BASP1: variants seen among roughly 807,000 people sequenced by gnomAD.
BASP1 encodes the protein brain abundant membrane attached signal protein 1.
Under a neutral mutation model 2.2 loss-of-function variants are expected in BASP1, and 1 was observed. The observed-to-expected ratio is 0.46, with a 90% confidence interval of 0.16 to 2.17. BASP1 has a LOEUF of 2.17. Among genes scored for constraint, BASP1 ranks in the 30% most tolerant of loss-of-function variants. The pLI is 0.27. For missense variants in BASP1, 352 were observed against 327.2 expected (o/e 1.08, Z -0.58); for synonymous variants, 187 against 154.2 (o/e 1.21, Z -1.58).
intron 1 of BASP1, among the ~76,000 whole-genome samples, chr5:17,241,098 CT>C (rs1168059951): frequency 1.4e-3 from 199 of 140,720 alleles, no homozygotes; most frequent in Middle Eastern, 3.7e-3. Context: ...TGACATTTTC[CT>C]TTTTTTTTTT....
intron 1 of BASP1, among the ~76,000 whole-genome samples, chr5:17,246,967 G>C (rs566806234): frequency 1.1e-4 from 16 of 152,116 alleles, no homozygotes; most frequent in Non-Finnish European, 2.4e-4. Context: ...CCAGCGGATT[G>C]CCTGAGTACA....
In BASP1 at chr5:17,238,535, A is replaced by G. The variant is rs567951801; in HGVS notation, c.-10+20725A>G. On this transcript the variant is annotated intron_variant, in intron 1 of 1. Transcript: ENST00000322611. ...TTGATGCAAGTGCTCTGTGGAAACC[A>G]TGGAAGCTGGGATAAAAATGCTCGC... Among the ~76,000 whole-genome samples the G allele has an allele frequency of 5.3e-5, 8 of 152,312 alleles. No individual in the cohort carries two copies. In the East Asian group the frequency reaches 1.5e-3, roughly 29 times the overall value.
intron 1 of BASP1, among the ~76,000 whole-genome samples, chr5:17,235,427 AT>A (rs529030792): frequency 1.3e-5 from 2 of 151,248 alleles, no homozygotes; most frequent in African/African-American, 4.9e-5. Flanking sequence ...GGCCGGGCTA[AT>A]TTTTTTTGTA....
intron 1 of BASP1, among the ~76,000 whole-genome samples, chr5:17,267,410 C>T (rs1286958707): frequency 2.0e-5 from 3 of 152,092 alleles, no homozygotes; most frequent in African/African-American, 7.2e-5. Flanking sequence ...AGAGTTTACA[C>T]ATTATTCTGA....
intron 1 of BASP1, among the ~76,000 whole-genome samples, chr5:17,253,057 CGA>C (rs1740132791): frequency 6.6e-6 from 1 of 152,066 alleles, no homozygotes; most frequent in South Asian, 2.1e-4. Context: ...GAAGAAAAGA[CGA>C]ATTCTAGAAT....
chr5:17,217,077 AGAGAGAGAGAGAGAGAGAGT>A (rs1739261030), upstream of BASP1: 2 of 139,974 alleles, frequency 1.4e-5, no homozygotes, highest in African/African-American at 5.8e-5. Flanking sequence ...AGAGTGAGAG[AGAGAGAGAGAGAGAGAGAGT>A]GAGTGAGAGA....
chr5:17,234,426 G>A (rs944023187), intron 1 of BASP1, among the ~76,000 whole-genome samples: 2 of 152,152 alleles, frequency 1.3e-5, no homozygotes, highest in Middle Eastern at 3.2e-3. Context: ...AATTGCTTTT[G>A]TGATGAATTT....
At position 17,248,408 on chromosome 5, in the gene BASP1, T is replaced by TC. The variant is rs774829656; in HGVS notation, c.-9-26796dup. Among the ~76,000 whole-genome samples the TC allele has an allele frequency of 1.3e-4, 20 of 152,318 alleles. No homozygotes were observed. The South Asian group carries it at 1.9e-3, about 14-fold the overall frequency. ...GATAAGACTTTTATAATTAAAAATT[T>TC]CCCCTGAATGTCAATACATATATGG... On this transcript the variant is annotated intron_variant, in intron 1 of 1. Transcript: ENST00000322611.
At chr5:17,272,040 G>C (rs1740539526) in intron 1 of BASP1, among the ~76,000 whole-genome samples, 1 of 145,866 alleles carries the variant, frequency 6.9e-6, no homozygotes, top group Non-Finnish European at 1.5e-5. Flanking sequence ...CTGCACTCCA[G>C]CCTAGGTGAC....
At chr5:17,217,255 T>G (rs865961582), upstream of BASP1, among the ~76,000 whole-genome samples, 81 of 16,106 alleles carry the variant, frequency 5.0e-3, no homozygotes, top group Middle Eastern at 0.024. Flanking sequence ...AGTTGGGAGG[T>G]GGGGGGAAGG....
chr5:17,247,550 T>C (rs1446962386), intron 1 of BASP1, among the ~76,000 whole-genome samples: 1 of 152,252 alleles, frequency 6.6e-6, no homozygotes, highest in Non-Finnish European at 1.5e-5. Flanking sequence ...TTCAGGCTTT[T>C]AGACTGATCT....
intron 1 of BASP1, among the ~76,000 whole-genome samples, chr5:17,267,621 C>T (rs943017128): frequency 2.0e-5 from 3 of 151,442 alleles, no homozygotes; most frequent in African/African-American, 7.3e-5. Flanking sequence ...CGGGTTCAAG[C>T]GATTTTCCTG....
Position 17,249,945 on chromosome 5 carries a change from TTTC to T in BASP1, c.-9-25257_-9-25255del, listed in dbSNP as rs200778334. On this transcript the variant is annotated intron_variant, in intron 1 of 1. Transcript: ENST00000322611. ...GGTACACCATTGATTTTAATTTTTT[TTTC>T]TTCTTGTTTTTAAGACTGGAGTCTT... Among the ~76,000 whole-genome samples the T allele has an allele frequency of 3.6e-3, 546 of 152,282 alleles. 4 individuals are homozygous for T. Among genetic ancestry groups the T allele is most frequent in the African/African-American group, 0.012 (518 of 41,556 alleles).
At chr5:17,256,277 A>C (rs1239933296) in intron 1 of BASP1, among the ~76,000 whole-genome samples, 1 of 152,212 alleles carries the variant, frequency 6.6e-6, no homozygotes, top group Non-Finnish European at 1.5e-5. Flanking sequence ...TTATTTGTTA[A>C]AATTGTTTAA....
intron 1 of BASP1, among the ~76,000 whole-genome samples, chr5:17,230,482 G>A (rs1251309604): frequency 1.3e-5 from 2 of 152,126 alleles, no homozygotes; most frequent in Admixed American, 6.5e-5. Context: ...TACTTACAGG[G>A]ATTCTTTTGA....
At chr5:17,226,968 G>A (rs191201461) in intron 1 of BASP1, among the ~76,000 whole-genome samples, 223 of 147,266 alleles carry the variant, frequency 1.5e-3, no homozygotes, top group Non-Finnish European at 2.5e-3. Flanking sequence ...TTGCTCTGTC[G>A]CCCAGGCTGG....
chr5:17,274,570 G>A (rs1320971513), intron 1 of BASP1, among the ~76,000 whole-genome samples: 3 of 152,176 alleles, frequency 2.0e-5, no homozygotes, highest in African/African-American at 7.2e-5. Flanking sequence ...GCACATGCCT[G>A]TTCCACGCTT....
rs190403675 is a variant in BASP1, at chr5:17,220,384, A to G, written c.-10+2574A>G. Among the ~76,000 whole-genome samples, 4 of 152,258 alleles carry G rather than the reference A, an allele frequency of 2.6e-5. No individual in the cohort carries two copies. The East Asian group carries it at 7.7e-4, about 29-fold the overall frequency. On this transcript the variant is annotated intron_variant, in intron 1 of 1. Transcript: ENST00000322611. Reference sequence around the variant, plus strand: ...TGTTTTTGGCGAGGGGTATGTTGGAATATAGAACAAATTCAATAGCAAATA... The same window carrying G: ...TGTTTTTGGCGAGGGGTATGTTGGAGTATAGAACAAATTCAATAGCAAATA...
In BASP1 at chr5:17,229,784, G is replaced by GT. The variant is rs60139148; in HGVS notation, c.-10+11993dup. ...AAGATCAACATGTTGGTAGGATTGG[G>GT]TTTTTTTTTTTTTTTTTTTGATGGA... is the stretch of plus-strand genomic sequence containing the variant. On this transcript the variant is annotated intron_variant, in intron 1 of 1. Transcript: ENST00000322611. Among the ~76,000 whole-genome samples, 871 of 128,892 alleles carry GT rather than the reference G, an allele frequency of 6.8e-3. 10 individuals carry two copies. The highest frequency in any genetic ancestry group is 0.055 in the East Asian group (249 of 4,524). 84.6% of individuals were successfully genotyped at this position (128,892 alleles called of 152,430 possible).
Sources: gnomAD v4.1 joint callset for allele counts (sites outside exome capture counted in the v4.1 genomes callset) on GRCh38, gnomAD v4.1.1 for gene constraint, MANE v1.5 for transcripts, NCBI Gene and HGNC (gene_info 2026-07-23, HGNC 2026-07-21) for gene names.